Variants in GAS2 observed in about 807,000 individuals in gnomAD.
GAS2 encodes the protein growth arrest specific 2, also known as growth arrest-specific protein 2.
Under a neutral mutation model 37.5 loss-of-function variants are expected in GAS2, and 20 were observed. The ratio of observed to expected loss-of-function variants is 0.53; its 90% CI spans 0.37 to 0.77. The LOEUF is 0.77. Among genes scored for constraint, GAS2 ranks in the 30% least tolerant of loss-of-function variants. GAS2 has a pLI of 0.00. For missense variants in GAS2, 336 were observed against 373.4 expected, an observed-to-expected ratio of 0.90 and a Z score of 0.82; for synonymous variants, 144 against 132.2, an observed-to-expected ratio of 1.09 and a Z score of -0.61.
intron 2 of GAS2, among the ~76,000 whole-genome samples, chr11:22,681,592 C>T (rs1260478013): frequency 6.6e-6 from 1 of 152,078 alleles, no homozygotes; most frequent in Non-Finnish European, 1.5e-5. Context: ...CTACAAACAC[C>T]AACCACAATG....
At chr11:22,643,124 A>C (rs1350496795) in intron 1 of GAS2, among the ~76,000 whole-genome samples, 3 of 152,072 alleles carry the variant, frequency 2.0e-5, no homozygotes, top group Non-Finnish European at 2.9e-5. Flanking sequence ...AAGTATAAAA[A>C]GCCTCCAGCT....
chr11:22,781,139 G>A (rs980915655), intron 7 of GAS2, among the ~76,000 whole-genome samples: 3 of 152,114 alleles, frequency 2.0e-5, no homozygotes, highest in Non-Finnish European at 4.4e-5. Flanking sequence ...GTTGCAGAGT[G>A]GCAGAGTCTG....
intron 7 of GAS2, among the ~76,000 whole-genome samples, chr11:22,792,237 T>G (rs926152695): frequency 3.9e-5 from 6 of 152,228 alleles, no homozygotes; most frequent in African/African-American, 1.4e-4. Context: ...GGGCCCTAAT[T>G]AGATAAACAA....
intron 6 of GAS2, chr11:22,755,554 C>A (rs1303149150): frequency 4.7e-6 from 1 of 213,538 alleles, no homozygotes; most frequent in Admixed American, 5.3e-5. Flanking sequence ...AGGAACCCAG[C>A]TGATTATGTA....
chr11:22,686,236 TAAGTA>T (rs979341423), intron 3 of GAS2, among the ~76,000 whole-genome samples: 2 of 152,190 alleles, frequency 1.3e-5, no homozygotes, highest in African/African-American at 2.4e-5. Context: ...ACCATTGAAC[TAAGTA>T]AATTTGGACA....
At chr11:22,785,102 C>T (rs2058372) in intron 7 of GAS2, among the ~76,000 whole-genome samples, 60,707 of 151,970 alleles carry the variant, frequency 0.4, 12,274 homozygotes, top group East Asian at 0.42. Context: ...GAACAGCTTG[C>T]TTGGTCTGTG....
chr11:22,662,889 A>T (rs10833796), upstream of GAS2, among the ~76,000 whole-genome samples: 68,679 of 151,928 alleles, frequency 0.45, 18,892 homozygotes, highest in South Asian at 0.66. Context: ...TGCAAAAAAA[A>T]AAAAAATAAA....
intron 3 of GAS2, among the ~76,000 whole-genome samples, chr11:22,696,150 T>C (rs977058815): frequency 1.4e-5 from 2 of 141,746 alleles, no homozygotes; most frequent in African/African-American, 5.2e-5. Context: ...TGTCCATGTG[T>C]TCTCATTGTT....
intron 3 of GAS2, among the ~76,000 whole-genome samples, chr11:22,712,946 C>T (rs932387631): frequency 2.0e-5 from 3 of 151,562 alleles, no homozygotes; most frequent in African/African-American, 7.3e-5. Context: ...GGCATGGTGG[C>T]TCAAACCTGT....
At chr11:22,727,108 T>C (rs1198994276) in intron 4 of GAS2, among the ~76,000 whole-genome samples, 1 of 152,036 alleles carries the variant, frequency 6.6e-6, no homozygotes, top group African/African-American at 2.4e-5. Context: ...AAAACATACA[T>C]TGGAGCATTC....
chr11:22,635,174 A>C (rs76559941), intron 1 of GAS2, among the ~76,000 whole-genome samples: 2 of 152,162 alleles, frequency 1.3e-5, no homozygotes, highest in African/African-American at 4.8e-5. Context: ...GACTTCCCAA[A>C]GTCCCTGCCC....
At chr11:22,766,149 G>C (rs569768297) in intron 7 of GAS2, among the ~76,000 whole-genome samples, 1 of 152,118 alleles carries the variant, frequency 6.6e-6, no homozygotes, top group Admixed American at 6.5e-5. Flanking sequence ...ATGAGACATG[G>C]GTAGGAGACA....
intron 3 of GAS2, among the ~76,000 whole-genome samples, chr11:22,700,119 T>G (rs1189493078): frequency 6.6e-6 from 1 of 152,176 alleles, no homozygotes; most frequent in East Asian, 1.9e-4. Flanking sequence ...TGTACTTAGT[T>G]GTTTCCTAGT....
chr11:22,671,344 AG>A (rs543657683), intron 1 of GAS2, among the ~76,000 whole-genome samples: 7 of 152,190 alleles, frequency 4.6e-5, no homozygotes, highest in South Asian at 2.1e-4. Flanking sequence ...AGACCGAGAA[AG>A]CTTGGAGGAG....
intron 7 of GAS2, among the ~76,000 whole-genome samples, chr11:22,804,850 C>A (rs965682327): frequency 2.0e-5 from 3 of 151,922 alleles, no homozygotes; most frequent in African/African-American, 7.3e-5. Context: ...TGGAGCTGAC[C>A]AAAACTAAAA....
At chr11:22,774,346 G>A (rs896667568) in intron 7 of GAS2, among the ~76,000 whole-genome samples, 5 of 152,160 alleles carry the variant, frequency 3.3e-5, no homozygotes, top group Non-Finnish European at 5.9e-5. Flanking sequence ...TCTGTTACAA[G>A]TATTTCTCTA....
chr11:22,700,279 CT>C (rs1281403307), intron 3 of GAS2, among the ~76,000 whole-genome samples: 1 of 152,092 alleles, frequency 6.6e-6, no homozygotes, highest in Admixed American at 6.6e-5. Flanking sequence ...GGATATTTAC[CT>C]TTAGATCCAG....
chr11:22,742,862 C>T (rs114010498), intron 5 of GAS2, among the ~76,000 whole-genome samples: 2,100 of 152,184 alleles, frequency 0.014, 56 homozygotes, highest in African/African-American at 0.048. Context: ...AATCCACCTA[C>T]AATTACAAAT....
chr11:22,626,002 A>C (rs976706875), intron 1 of GAS2: 4 of 695,200 alleles, frequency 5.8e-6, no homozygotes, highest in Non-Finnish European at 1.0e-5. Flanking sequence ...TACTTTCGCC[A>C]CACAAAGAGG....
Sources: allele counts gnomAD v4.1 joint callset (sites outside exome capture counted in the v4.1 genomes callset), GRCh38; gene constraint gnomAD v4.1.1; transcripts MANE v1.5; gene names NCBI Gene and HGNC (gene_info 2026-07-23, HGNC 2026-07-21).